The following WDFY4 variants were observed in gnomAD, a reference collection of about 807,000 sequenced individuals.
WDFY4 encodes the protein WDFY family member 4.
In WDFY4, 169 loss-of-function variants were observed where a neutral mutation model predicts 351.9. That is an observed-to-expected ratio of 0.48 (90% CI 0.42 to 0.55). The LOEUF is 0.55. Ranked by LOEUF, WDFY4 falls within the 20% of genes least tolerant of loss-of-function variation. The pLI, the probability that WDFY4 is intolerant of heterozygous loss-of-function variation, is 0.00. For missense variants in WDFY4, 3,803 were observed against 3,935.6 expected (o/e 0.97, Z 0.90); for synonymous variants, 1,622 against 1,574.6 (o/e 1.03, Z -0.71).
intron 1 of WDFY4, among the ~76,000 whole-genome samples, chr10:48,703,214 G>C (rs1343779513): frequency 6.6e-6 from 1 of 152,198 alleles, no homozygotes; most frequent in Non-Finnish European, 1.5e-5. Context: ...TCTAGATTGA[G>C]GCCAAGACTC....
chr10:48,945,171 T>TC (rs1840976676), intron 49 of WDFY4, among the ~76,000 whole-genome samples: 1 of 151,472 alleles, frequency 6.6e-6, no homozygotes, highest in African/African-American at 2.4e-5. Context: ...AGCCCAGGAG[T>TC]TCAAGACCAG....
intron 37 of WDFY4, among the ~76,000 whole-genome samples, chr10:48,830,414 A>G (rs551186451): frequency 6.6e-6 from 1 of 152,206 alleles, no homozygotes; most frequent in Non-Finnish European, 1.5e-5. Flanking sequence ...CTCTGAGCTC[A>G]TAAATGATAT....
At chr10:48,757,919 T>A (rs187636243) in intron 12 of WDFY4, among the ~76,000 whole-genome samples, 83 of 152,282 alleles carry the variant, frequency 5.5e-4, no homozygotes, top group Middle Eastern at 3.4e-3. Flanking sequence ...TGTGGTTGTC[T>A]TATGTATTAC....
intron 47 of WDFY4, among the ~76,000 whole-genome samples, chr10:48,924,384 C>A (rs1284617098): frequency 6.6e-6 from 1 of 152,148 alleles, no homozygotes; most frequent in Non-Finnish European, 1.5e-5. Flanking sequence ...GGCTAGATGG[C>A]CTATTATCAG....
chr10:48,787,921 C>T lies in WDFY4; in HGVS notation c.3809-609C>T, dbSNP rs1363140185. Among the ~76,000 whole-genome samples the T allele has an allele frequency of 5.7e-5, 4 of 70,668 alleles. 1 individual carries two copies. Among genetic ancestry groups the T allele is most frequent in the Admixed American group, 1.6e-4 (1 of 6,364 alleles). The allele number at this position is 70,668 out of a possible 152,430, so 46.4% of individuals were successfully genotyped here. On this transcript the variant is annotated intron_variant, in intron 20 of 61. Coordinates refer to ENST00000325239, the MANE Select transcript of WDFY4 (RefSeq NM_001394531.1). ...TCTTCTTCTTCTTCTTCTTCTTCTT[C>T]TTCTTCTTCTTCTTCTTCTTCTTCT... is the stretch of plus-strand genomic sequence containing the variant.
chr10:48,800,363 G>A (rs1248375105), intron 24 of WDFY4, among the ~76,000 whole-genome samples: 1 of 152,190 alleles, frequency 6.6e-6, no homozygotes, highest in Non-Finnish European at 1.5e-5. Flanking sequence ...CGTGATGACT[G>A]GTGTGAAGCA....
intron 39 of WDFY4, among the ~76,000 whole-genome samples, chr10:48,849,287 C>T (rs1303806250): frequency 6.6e-6 from 1 of 152,186 alleles, no homozygotes; most frequent in African/African-American, 2.4e-5. Flanking sequence ...CAGCAATACT[C>T]AACATTCCCT....
rs574861639 is a variant in WDFY4 at position 48,946,762 on chromosome 10, T to C, written c.7868-98T>C. ...CACTTCCTAAACGTCAATGAATATA[T>C]GTTTTTAATGCCGTTCATGAACACA... On this transcript the variant is annotated intron_variant, in intron 50 of 61. Transcript: ENST00000325239. 251 of 869,620 alleles carry C rather than the reference T, an allele frequency of 2.9e-4. No individual in the cohort carries two copies. In the Middle Eastern group the frequency reaches 4.0e-3, roughly 14 times the overall value. 53.9% of individuals were successfully genotyped at this position (869,620 alleles called of 1,614,324 possible).
chr10:48,746,632 AC>A (rs1380595693), intron 12 of WDFY4, among the ~76,000 whole-genome samples: 4 of 152,082 alleles, frequency 2.6e-5, no homozygotes, highest in African/African-American at 9.7e-5. Context: ...TTAAAAAAAA[AC>A]ATTTTTGGTC....
At chr10:48,812,536 GT>G (rs1444683729) in intron 30 of WDFY4, among the ~76,000 whole-genome samples, 2 of 151,894 alleles carry the variant, frequency 1.3e-5, no homozygotes, top group African/African-American at 4.8e-5. Flanking sequence ...CTACCAACCC[GT>G]TCCTCATAAG....
chr10:48,777,362 G>T, intron 16 of WDFY4, 57 bp from the exon 17 acceptor site: 2 of 1,465,124 alleles, frequency 1.4e-6, no homozygotes, highest in Non-Finnish European at 1.9e-6. Flanking sequence ...GACTAGCTGT[G>T]TCAGTGCAAG....
chr10:48,786,386 G>T (rs1182470889), intron 19 of WDFY4, among the ~76,000 whole-genome samples: 1 of 152,094 alleles, frequency 6.6e-6, no homozygotes, highest in Non-Finnish European at 1.5e-5. Context: ...GATAAGAAAG[G>T]TGTACACTTT....
intron 18 of WDFY4, among the ~76,000 whole-genome samples, chr10:48,779,117 C>T (rs1240822630): frequency 6.6e-6 from 1 of 152,222 alleles, no homozygotes; most frequent in Non-Finnish European, 1.5e-5. Flanking sequence ...TTCGCCCTGG[C>T]AGAACAGTCA....
At chr10:48,847,477 G>GC in intron 39 of WDFY4, among the ~76,000 whole-genome samples, 10 of 152,282 alleles carry the variant, frequency 6.6e-5, no homozygotes, top group Non-Finnish European at 1.3e-4. Flanking sequence ...TGACCCCAGG[G>GC]TAGATCTTCA....
chr10:48,818,976 G>A (rs1203615969), intron 32 of WDFY4, among the ~76,000 whole-genome samples: 1 of 152,164 alleles, frequency 6.6e-6, no homozygotes. Flanking sequence ...GGGTCCAGCG[G>A]CCTAACATTC....
chr10:48,803,379 C>G lies in WDFY4; in HGVS notation c.4484+20C>G. 6.4e-7 allele frequency: 1 copy of G among 1,551,262 alleles called. No individual in the cohort carries two copies. Among genetic ancestry groups the G allele is most frequent in the African/African-American group, 1.4e-5 (1 of 73,146 alleles). ...ACCAAGGTAGGCTGGGTCTTGGCAG[C>G]CTGGGGGTTAGAACTGAAGGCTGAA... On this transcript the variant is annotated intron_variant, in intron 25 of 61. Coordinates refer to ENST00000325239, the MANE Select transcript of WDFY4 (RefSeq NM_001394531.1).
chr10:48,892,808 C>G (rs766589824), intron 44 of WDFY4, among the ~76,000 whole-genome samples: 3 of 152,208 alleles, frequency 2.0e-5, no homozygotes, highest in Non-Finnish European at 4.4e-5. Flanking sequence ...AAGAACATTA[C>G]AGACTCCTTG....
chr10:48,746,908 ATTG>A (rs765856617), intron 12 of WDFY4, among the ~76,000 whole-genome samples: 1 of 152,108 alleles, frequency 6.6e-6, no homozygotes, highest in Non-Finnish European at 1.5e-5. Flanking sequence ...TATGACAGTT[ATTG>A]TTGTTGTTTT....
intron 12 of WDFY4, chr10:48,745,698 C>T (rs1010718247): frequency 4.0e-5 from 23 of 571,110 alleles, no homozygotes; most frequent in Non-Finnish European, 6.9e-5. Context: ...CTGCCTGGTA[C>T]TTCCAGCCAG....
Sources: gnomAD v4.1 joint callset for allele counts (sites outside exome capture counted in the v4.1 genomes callset) on GRCh38, gnomAD v4.1.1 for gene constraint, MANE v1.5 for transcripts, NCBI Gene and HGNC (gene_info 2026-07-23, HGNC 2026-07-21) for gene names.